Variants in DMD observed in about 807,000 individuals in gnomAD.
DMD encodes dystrophin, also known as mutant dystrophin.
A neutral mutation model predicts 330.1 loss-of-function variants in DMD; 63 were observed. The observed-to-expected ratio is 0.19, with a 90% CI of 0.16 to 0.24. DMD has a LOEUF of 0.24. Among genes scored for constraint, DMD ranks in the 10% least tolerant of loss-of-function variants. DMD has a pLI of 1.00. For synonymous variants in DMD, 1,223 were observed against 959.8 expected (o/e 1.27, Z -5.07); for missense variants, 3,344 against 2,684.1 (o/e 1.25, Z -5.43).
chrX:31,952,873 T>C (rs759281600), intron 45 of DMD, among the ~76,000 whole-genome samples: 2 of 112,378 alleles, frequency 1.8e-5, no homozygotes, highest in Admixed American at 1.9e-4. Flanking sequence ...TTTTAATAAC[T>C]TGCCTAGATG....
intron 7 of DMD, among the ~76,000 whole-genome samples, chrX:32,729,839 TA>T (rs1386337439): frequency 3.6e-5 from 4 of 112,167 alleles, no homozygotes; most frequent in Non-Finnish European, 5.6e-5. Context: ...CAACATATCT[TA>T]ACCATTCACC....
At chrX:33,162,515 G>A (rs2048817266) in intron 1 of DMD, among the ~76,000 whole-genome samples, 2 of 111,603 alleles carry the variant, frequency 1.8e-5, no homozygotes, top group Admixed American at 1.9e-4. Context: ...TGTGTCAAAA[G>A]CAGATTTAAT....
Position 32,977,427 on chromosome X carries a change from C to T in DMD, c.93+42712G>A, listed in dbSNP as rs1013780504. Among the ~76,000 whole-genome samples, 3 of 111,363 alleles carry T rather than the reference C, an allele frequency of 2.7e-5. No individual in the cohort carries two copies. In the South Asian group the frequency reaches 1.1e-3, roughly 41 times the overall value. On this transcript the variant is annotated intron_variant, in intron 2 of 78. Coordinates refer to ENST00000357033, the MANE Select transcript of DMD (RefSeq NM_004006.3). ...CAGATGTTTATTTTAGGACTGTGGC[C>T]GACTTGGTTCTAAAGAAGATGGATC...
chrX:31,679,290 T>C, intron 53 of DMD, 85 bp downstream of exon 53: 1 of 840,253 alleles, frequency 1.2e-6, no homozygotes, highest in Non-Finnish European at 1.7e-6. Context: ...AACTTTACAT[T>C]AAACATCATT....
At chrX:32,557,807 T>C (rs1398589512) in intron 16 of DMD, among the ~76,000 whole-genome samples, 1 of 111,122 alleles carries the variant, frequency 9.0e-6, no homozygotes, top group Non-Finnish European at 1.9e-5. Context: ...GGATGTAAAA[T>C]GCTTTATCTT....
At chrX:32,297,210 A>G (rs72626034) in intron 42 of DMD, among the ~76,000 whole-genome samples, 3,013 of 109,896 alleles carry the variant, frequency 0.027, 99 homozygotes, top group East Asian at 0.12. Context: ...TATTTGTTGA[A>G]AAAACCTACC....
At chrX:32,616,690 CTTT>C (rs1173392895) in intron 11 of DMD, among the ~76,000 whole-genome samples, 3 of 60,222 alleles carry the variant, frequency 5.0e-5, no homozygotes, top group South Asian at 1.6e-3. Flanking sequence ...GTTCTGGTTC[CTTT>C]TTTTTTTTTT....
In DMD at chrX:32,472,290, T is replaced by C. The variant is rs1201225305; in HGVS notation, c.2823A>G (p.Pro941=). 4 of 1,210,978 alleles carry C rather than the reference T, an allele frequency of 3.3e-6. No individual in the cohort carries two copies. In the South Asian group the frequency reaches 5.3e-5, roughly 16 times the overall value. Residue 941 remains proline (P), a synonymous_variant, in exon 22 of 79, where the codon CCA becomes CCG. Coordinates refer to ENST00000357033, the MANE Select transcript of DMD (RefSeq NM_004006.3). The part of the protein sequence containing the change: ...ELQTIFDTLP[P]MRYQETMSAI... ...CACTCATGGTCTCCTGATAGCGCATTGGTGGCAAAGTGTCAAAAACTTTAT... is the reference window on the plus strand; with the variant it reads ...CACTCATGGTCTCCTGATAGCGCATCGGTGGCAAAGTGTCAAAAACTTTAT...
intron 2 of DMD, among the ~76,000 whole-genome samples, chrX:32,939,904 C>G (rs983816572): frequency 9.0e-6 from 1 of 111,383 alleles, no homozygotes; most frequent in African/African-American, 3.3e-5. Flanking sequence ...GAAAAACTTT[C>G]CATACTCATG....
At chrX:31,363,079 T>G (rs961777084) in intron 60 of DMD, among the ~76,000 whole-genome samples, 3 of 112,613 alleles carry the variant, frequency 2.7e-5, no homozygotes, top group African/African-American at 9.7e-5. Flanking sequence ...CATAAGGCAA[T>G]GCATATGCTG....
intron 55 of DMD, among the ~76,000 whole-genome samples, chrX:31,608,162 T>C (rs1240167515): frequency 8.9e-6 from 1 of 112,107 alleles, no homozygotes; most frequent in Admixed American, 9.5e-5. Context: ...GAAGTTCATG[T>C]TCACTATTTT....
intron 2 of DMD, among the ~76,000 whole-genome samples, chrX:32,874,023 G>T (rs2083196688): frequency 8.9e-6 from 1 of 111,874 alleles, no homozygotes; most frequent in South Asian, 3.7e-4. Flanking sequence ...GCCTGAAAAT[G>T]TACATTTCTA....
At chrX:33,040,634 C>A (rs1240338678) in intron 1 of DMD, among the ~76,000 whole-genome samples, 5 of 110,643 alleles carry the variant, frequency 4.5e-5, no homozygotes, top group Non-Finnish European at 9.5e-5. Context: ...CAACAACAAC[C>A]CCCGCCCCTC....
intron 4 of DMD, among the ~76,000 whole-genome samples, chrX:32,824,437 A>G (rs761802378): frequency 4.4e-5 from 5 of 112,374 alleles, no homozygotes; most frequent in African/African-American, 1.6e-4. Flanking sequence ...AACTATTGAT[A>G]CATGCAGCAA....
chrX:32,657,614 G>A (rs1483893892), intron 9 of DMD, among the ~76,000 whole-genome samples: 1 of 111,796 alleles, frequency 8.9e-6, no homozygotes, highest in East Asian at 2.8e-4. Flanking sequence ...CAGAGAAGAA[G>A]GATGAACATA....
intron 9 of DMD, among the ~76,000 whole-genome samples, chrX:32,649,518 T>C (rs1204269646): frequency 1.1e-5 from 1 of 93,110 alleles, no homozygotes; most frequent in East Asian, 3.2e-4. Flanking sequence ...AAAGCGCCAC[T>C]GCACTCCGGC....
intron 62 of DMD, among the ~76,000 whole-genome samples, chrX:31,323,397 T>C (rs926482586): frequency 7.1e-5 from 8 of 112,206 alleles, no homozygotes; most frequent in African/African-American, 1.6e-4. Flanking sequence ...AATAAACTTT[T>C]CTTAAAAGTC....
intron 2 of DMD, among the ~76,000 whole-genome samples, chrX:32,866,376 C>T (rs1260987126): frequency 8.9e-6 from 1 of 111,884 alleles, no homozygotes; most frequent in African/African-American, 3.2e-5. Context: ...ACAGCAATAG[C>T]TAATATGTGT....
At chrX:32,363,776 G>C (rs2097845211) in intron 36 of DMD, among the ~76,000 whole-genome samples, 1 of 111,943 alleles carries the variant, frequency 8.9e-6, no homozygotes, top group Non-Finnish European at 1.9e-5. Flanking sequence ...AAATTGCATA[G>C]AAAGAAACAT....
Sources: gnomAD v4.1 joint callset for allele counts (sites outside exome capture counted in the v4.1 genomes callset) on GRCh38, gnomAD v4.1.1 for gene constraint, MANE v1.5 for transcripts, NCBI Gene and HGNC (gene_info 2026-07-23, HGNC 2026-07-21) for gene names.